LRIT1: variants seen among roughly 807,000 people sequenced by gnomAD.
LRIT1 encodes the protein leucine-rich repeat, immunoglobulin-like domain and transmembrane domain-containing protein 1.
Under a neutral mutation model 24.0 loss-of-function variants are expected in LRIT1, and 23 were observed. That is an observed-to-expected ratio of 0.96 (90% CI 0.69 to 1.36). LRIT1 has a LOEUF of 1.36. Ranked by LOEUF, LRIT1 falls within the 40% of genes most tolerant of loss-of-function variation. The pLI is 0.00. For missense variants in LRIT1, 846 were observed against 806.3 expected, an observed-to-expected ratio of 1.05 and a Z score of -0.60; for synonymous variants, 361 against 340.5, an observed-to-expected ratio of 1.06 and a Z score of -0.66.
intron 1 of LRIT1, 125 bp downstream of exon 1, chr10:84,241,193 T>A: frequency 4.2e-6 from 6 of 1,418,676 alleles, no homozygotes; most frequent in Non-Finnish European, 5.8e-6. Context: ...ATAGGATCCC[T>A]GGTCCTCAAG....
At position 84,232,027 on chromosome 10, in the gene LRIT1, C is replaced by T; in HGVS notation, c.1772G>A (p.Ser591Asn). 1 of 1,614,168 alleles carries T rather than the reference C, an allele frequency of 6.2e-7. No individual in the cohort carries two copies. Among genetic ancestry groups the T allele is most frequent in the Non-Finnish European group, 8.5e-7 (1 of 1,180,022 alleles). The change falls in exon 4 of 4, where the codon AGT becomes AAT. Residue 591 changes from serine (S) to asparagine (N), a missense_variant. By Grantham distance (46) the Ser-to-Asn change is conservative (BLOSUM62 1). Coordinates refer to ENST00000372105, the MANE Select transcript of LRIT1 (RefSeq NM_015613.3). Reference protein sequence around the residue: ...EDGLEELSRHSVSEADRLLSA... With the variant: ...EDGLEELSRHNVSEADRLLSA... ...GAGAAGCCTGTCAGCCTCGCTGACA[C>T]TGTGCCGGGACAGCTCCTCCAAGCC...
At position 84,231,814 on chromosome 10, in the gene LRIT1, T is replaced by G; in HGVS notation, c.*113A>C. Reference sequence around the variant, plus strand: ...TGCTGCTGCTGTTGTTGTGTGTAAGTATCTGAGTAAGCAGGTACCCGAGCA... The same window carrying G: ...TGCTGCTGCTGTTGTTGTGTGTAAGGATCTGAGTAAGCAGGTACCCGAGCA... On this transcript the variant is annotated 3_prime_UTR_variant, in exon 4 of 4. Transcript: ENST00000372105. 1.7e-6 allele frequency: 2 copies of G among 1,175,484 alleles called. No individual in the cohort carries two copies. Among genetic ancestry groups the G allele is most frequent in the Non-Finnish European group, 2.4e-6 (2 of 848,910 alleles). 72.8% of individuals were successfully genotyped at this position (1,175,484 alleles called of 1,614,324 possible). A position where few individuals can be genotyped will look rare whatever the true frequency, so the allele number is the denominator to read the frequency against.
rs1380894095 is a variant in LRIT1, at chr10:84,237,408, C to T, written c.401G>A (p.Arg134Gln). The T allele has an allele frequency of 6.5e-7, 1 of 1,547,256 alleles. No individual in the cohort carries two copies. Among genetic ancestry groups the T allele is most frequent in the Non-Finnish European group, 8.7e-7 (1 of 1,147,042 alleles). Residue 134 changes from arginine to glutamine, a missense_variant, in exon 2 of 4, where the codon CGG becomes CAG. Transcript: ENST00000372105. ...WAALRDAPKL[R>Q]LLDLQANRLS... ...GCGGTTGGCCTGCAGGTCCAGCAGC[C>T]GCAGCTTGGGGGCGTCCCTGAGCGC...
At chr10:84,237,932 G>T (rs754621) in intron 1 of LRIT1, among the ~76,000 whole-genome samples, 68,399 of 151,950 alleles carry the variant, frequency 0.45, 17,441 homozygotes, top group African/African-American at 0.7. Context: ...TTCACGGTCC[G>T]GCAAGACCCC....
chr10:84,232,046 C>T lies in LRIT1; in HGVS notation c.1753G>A (p.Glu585Lys). ...ERLGYSEDGL[E>K]ELSRHSVSEA... ...CTGACACTGTGCCGGGACAGCTCCT[C>T]CAAGCCGTCCTCGCTGTAGCCCAGT... The change falls in exon 4 of 4, where the codon GAG becomes AAG. Residue 585 changes from glutamate (E) to lysine (K), a missense_variant. By Grantham distance (56) the Glu-to-Lys change is moderately conservative. Coordinates refer to ENST00000372105, the MANE Select transcript of LRIT1 (RefSeq NM_015613.3). 3 of 1,614,144 alleles carry T rather than the reference C, an allele frequency of 1.9e-6. No homozygotes were observed. Among genetic ancestry groups the T allele is most frequent in the Non-Finnish European group, 2.5e-6 (3 of 1,180,018 alleles).
chr10:84,235,880 G>A (rs1162757303), intron 2 of LRIT1, among the ~76,000 whole-genome samples: 1 of 151,716 alleles, frequency 6.6e-6, no homozygotes, highest in Non-Finnish European at 1.5e-5. Flanking sequence ...CAAAGTGCTG[G>A]GGTTACAGGT....
At chr10:84,233,895 C>T (rs980328841) in intron 3 of LRIT1, among the ~76,000 whole-genome samples, 178 bp downstream of exon 3, 8 of 152,216 alleles carry the variant, frequency 5.3e-5, no homozygotes, top group African/African-American at 1.9e-4. Flanking sequence ...ATTGTTGAAT[C>T]TGTTGTCACA....
At position 84,234,257 on chromosome 10, in the gene LRIT1, G is replaced by C. The variant is rs761753245; in HGVS notation, c.711C>G (p.Ser237Arg). ...ETELRCASPR[S>R]LAGVAFSQLE... ...GCTGGCTGAAGGCCACTCCGGCCAGGCTACGTGGGCTGGCACATCTCAGTT... is the reference window on the plus strand; with the variant it reads ...GCTGGCTGAAGGCCACTCCGGCCAGCCTACGTGGGCTGGCACATCTCAGTT... The change falls in exon 3 of 4, where the codon AGC becomes AGG. Residue 237 changes from serine (S) to arginine (R), a missense_variant. Ser to Arg is a moderately radical substitution (Grantham distance 110). Coordinates refer to ENST00000372105, the MANE Select transcript of LRIT1 (RefSeq NM_015613.3). The C allele has an allele frequency of 5.0e-6, 8 of 1,613,826 alleles. No individual in the cohort carries two copies. Among genetic ancestry groups the C allele is most frequent in the Non-Finnish European group, 4.2e-6 (5 of 1,179,942 alleles).
At chr10:84,238,860 A>G (rs1842672608) in intron 1 of LRIT1, among the ~76,000 whole-genome samples, 1 of 152,252 alleles carries the variant, frequency 6.6e-6, no homozygotes, top group Admixed American at 6.5e-5. Flanking sequence ...AGATAATAGG[A>G]GGCAGTCCCT....
At position 84,234,247 on chromosome 10, in the gene LRIT1, C is replaced by G. The variant is rs144445325; in HGVS notation, c.721G>C (p.Val241Leu). 1.9e-6 allele frequency: 3 copies of G among 1,614,078 alleles called. No individual in the cohort carries two copies. Among genetic ancestry groups the G allele is most frequent in the Admixed American group, 1.7e-5 (1 of 60,008 alleles). The change falls in exon 3 of 4, where the codon GTG becomes CTG. Residue 241 changes from valine to leucine, a missense_variant. Coordinates refer to ENST00000372105, the MANE Select transcript of LRIT1 (RefSeq NM_015613.3). ...CTCAGTTCAAGCTGGCTGAAGGCCACTCCGGCCAGGCTACGTGGGCTGGCA... is the reference window on the plus strand; with the variant it reads ...CTCAGTTCAAGCTGGCTGAAGGCCAGTCCGGCCAGGCTACGTGGGCTGGCA... ...RCASPRSLAG[V>L]AFSQLELRKC...
Position 84,232,628 on chromosome 10 carries a change from C to G in LRIT1, c.1171G>C (p.Val391Leu). 2 of 1,613,792 alleles carry G rather than the reference C, an allele frequency of 1.2e-6. No homozygotes were observed. Among genetic ancestry groups the G allele is most frequent in the Non-Finnish European group, 1.7e-6 (2 of 1,179,694 alleles). Residue 391 changes from valine (V) to leucine (L), a missense_variant, in exon 4 of 4, where the codon GTC (valine) becomes CTC (leucine). Transcript: ENST00000372105. ...RHVPQIPKPA[V>L]LATGPSVPST... is the part of the protein sequence containing the mutation. ...GGCACAGAGGGTCCAGTGGCCAGGACAGCGGGTTTGGGAATCTGGGGGACA... is the reference window on the plus strand; with the variant it reads ...GGCACAGAGGGTCCAGTGGCCAGGAGAGCGGGTTTGGGAATCTGGGGGACA...
At chr10:84,241,172 C>G in intron 1 of LRIT1, 146 bp downstream of exon 1, 1 of 1,208,004 alleles carries the variant, frequency 8.3e-7, no homozygotes. Context: ...CAATGCAGCA[C>G]AGTCCACCCC....
chr10:84,237,661 T>C lies in LRIT1; in HGVS notation c.148A>G (p.Met50Val), dbSNP rs774033290. ...ARTVVCNDPD[M>V]TLPPASIPPD... ...GGGATGGACGCCGGGGGCAGGGTCA[T>C]GTCGGGGTCGTTGCACACTACTGTC... The change falls in exon 2 of 4, where the codon ATG (methionine) becomes GTG (valine). Residue 50 changes from methionine to valine, a missense_variant. Met to Val is a conservative substitution (Grantham distance 21). Transcript: ENST00000372105. 17 of 1,603,214 alleles carry C rather than the reference T, an allele frequency of 1.1e-5. No homozygotes were observed. Among genetic ancestry groups the C allele is most frequent in the Non-Finnish European group, 8.5e-7 (1 of 1,178,014 alleles).
In LRIT1 at chr10:84,232,464, G is replaced by A. The variant is rs1170598884; in HGVS notation, c.1335C>T (p.Ser445=). ...KVVGDTYHSV[S]LVWKAPQAKN... ...TAGCCTGGGGTGCCTTCCACACCAA[G>A]GACACGCTGTGGTAAGTGTCCCCCA... The change falls in exon 4 of 4, where the codon TCC becomes TCT. Residue 445 remains serine (S), a synonymous_variant. Transcript: ENST00000372105. The A allele has an allele frequency of 1.2e-6, 2 of 1,614,138 alleles. No homozygotes were observed. Among genetic ancestry groups the A allele is most frequent in the Admixed American group, 3.3e-5 (2 of 60,026 alleles).
At chr10:84,236,996 G>A (rs984903323) in intron 2 of LRIT1, among the ~76,000 whole-genome samples, 1 of 152,066 alleles carries the variant, frequency 6.6e-6, no homozygotes, top group Non-Finnish European at 1.5e-5. Context: ...AGTCTCAGGG[G>A]CCTTCTCCTG....
rs143349567 is a variant in LRIT1, at chr10:84,237,545, C to T, written c.264G>A (p.Leu88=). Residue 88 remains leucine (L), a synonymous_variant, in exon 2 of 4, where the codon CTG becomes CTA. Transcript: ENST00000372105. Reference sequence around the variant, plus strand: ...CGCTGAGGGCGTTGTAAGGCAGCCACAGCTGCTCCAGGCGGCCCAGGGGCC... The same window carrying T: ...CGCTGAGGGCGTTGTAAGGCAGCCATAGCTGCTCCAGGCGGCCCAGGGGCC... ...AFRPLGRLEQ[L]WLPYNALSEL... 427 of 1,605,794 alleles carry T rather than the reference C, an allele frequency of 2.7e-4. 1 individual carries two copies. The highest frequency in any genetic ancestry group is 3.4e-4 in the Non-Finnish European group (404 of 1,179,654).
Position 84,237,605 on chromosome 10 carries a change from C to T in LRIT1, c.204G>A (p.Arg68=). 1 of 1,606,848 alleles carries T rather than the reference C, an allele frequency of 6.2e-7. No homozygotes were observed. The highest frequency in any genetic ancestry group is 8.5e-7 in the Non-Finnish European group (1 of 1,179,720). ...CGCCAGGAACCCTGCGTATGGCCGT[C>T]CGCTCCAGGCGCAGTCTGGAGGTGT... ...PPDTSRLRLE[R]TAIRRVPGEA... The change falls in exon 2 of 4, where the codon CGG becomes CGA. Residue 68 remains arginine (R), a synonymous_variant. Transcript: ENST00000372105.
intron 3 of LRIT1, 106 bp downstream of exon 3, chr10:84,233,967 C>T (rs1423502633): frequency 6.3e-6 from 7 of 1,114,250 alleles, no homozygotes; most frequent in African/African-American, 1.6e-5. Context: ...GGAAGCCCAG[C>T]TTTGCTTAGA....
chr10:84,238,083 G>T (rs377597620), intron 1 of LRIT1, among the ~76,000 whole-genome samples: 1 of 152,216 alleles, frequency 6.6e-6, no homozygotes, highest in Non-Finnish European at 1.5e-5. Context: ...GCCGGGCACA[G>T]TGGCTCACGC....
Sources: gnomAD v4.1 joint callset for allele counts (sites outside exome capture counted in the v4.1 genomes callset) on GRCh38, gnomAD v4.1.1 for gene constraint, MANE v1.5 for transcripts, NCBI Gene and HGNC (gene_info 2026-07-23, HGNC 2026-07-21) for gene names.